Variants in WLS observed in about 807,000 individuals in gnomAD.
WLS encodes protein wntless homolog.
In WLS, 23 loss-of-function variants were observed where a neutral mutation model predicts 62.8. The observed-to-expected ratio is 0.37, with a 90% CI of 0.26 to 0.52. The LOEUF (loss-of-function observed/expected upper bound fraction) is 0.52, where lower values mean the gene tolerates loss of function less well. Ranked by LOEUF, WLS falls within the 20% of genes least tolerant of loss-of-function variation. The pLI, the probability that WLS is intolerant of heterozygous loss-of-function variation, is 0.92. For missense variants in WLS, 615 were observed against 697.3 expected, an observed-to-expected ratio of 0.88 and a Z score of 1.33; for synonymous variants, 246 against 244.1, an observed-to-expected ratio of 1.01 and a Z score of -0.07.
chr1:68,193,282 TG>T (rs1648444015), intron 2 of WLS, among the ~76,000 whole-genome samples: 1 of 151,370 alleles, frequency 6.6e-6, no homozygotes. Flanking sequence ...CTAAGATTCC[TG>T]ATACTGTCCC....
intron 11 of WLS, among the ~76,000 whole-genome samples, chr1:68,127,828 T>C (rs559299448): frequency 6.6e-6 from 1 of 152,308 alleles, no homozygotes; most frequent in Non-Finnish European, 1.5e-5. Context: ...TAAGAACTGC[T>C]AGGCATCAAT....
At chr1:68,207,781 T>G (rs145674606) in intron 1 of WLS, among the ~76,000 whole-genome samples, 1,635 of 152,342 alleles carry the variant, frequency 0.011, 26 homozygotes, top group South Asian at 0.023. Context: ...TAAAAGGTAC[T>G]CGCCTCCTAA....
At chr1:68,116,794 A>G (rs1646298036) in intron 11 of WLS, among the ~76,000 whole-genome samples, 1 of 152,222 alleles carries the variant, frequency 6.6e-6, no homozygotes, top group East Asian at 1.9e-4. Context: ...ATTTCTTTCA[A>G]GATAAAAACT....
chr1:68,167,316 C>G (rs1647073803), intron 2 of WLS, among the ~76,000 whole-genome samples: 1 of 152,198 alleles, frequency 6.6e-6, no homozygotes, highest in Admixed American at 6.5e-5. Flanking sequence ...AACGGGAAAG[C>G]ACTGGACAGA....
intron 2 of WLS, among the ~76,000 whole-genome samples, chr1:68,180,030 G>A (rs1293499586): frequency 6.7e-6 from 1 of 149,018 alleles, no homozygotes; most frequent in African/African-American, 2.5e-5. Flanking sequence ...GAGGGAGGGG[G>A]AAGTTAAGGC....
At chr1:68,193,932 GA>G in intron 2 of WLS, 22 bp downstream of exon 2, 1 of 1,604,564 alleles carries the variant, frequency 6.2e-7, no homozygotes, top group Non-Finnish European at 8.5e-7. Context: ...GGAAGAAAGG[GA>G]TGAGAGGAGA....
rs1414697743 is a variant in WLS at position 68,178,055 on chromosome 1, T to C, written c.379+15900A>G. On this transcript the variant is annotated intron_variant, in intron 2 of 11. Coordinates refer to ENST00000262348, the MANE Select transcript of WLS (RefSeq NM_024911.7). ...TCTGGCTTGAAAGTACTTAACCCAG[T>C]GCTGGAGTTGTCTCTCCAAGCTCTT... Among the ~76,000 whole-genome samples, 3 of 152,210 alleles carry C rather than the reference T, an allele frequency of 2.0e-5. No individual in the cohort carries two copies. In the East Asian group the frequency reaches 5.8e-4, roughly 29 times the overall value.
At chr1:68,198,511 T>A (rs758670825) in intron 1 of WLS, among the ~76,000 whole-genome samples, 1 of 152,084 alleles carries the variant, frequency 6.6e-6, no homozygotes, top group African/African-American at 2.4e-5. Context: ...TGTGAAGAAA[T>A]GTACAAACAC....
chr1:68,121,891 A>G (rs1463579015), downstream of WLS, among the ~76,000 whole-genome samples: 2 of 152,156 alleles, frequency 1.3e-5, no homozygotes, highest in African/African-American at 4.8e-5. Flanking sequence ...TTTTCTTTGG[A>G]GGCACAGGGT....
At chr1:68,228,694 G>A (rs2820473) in intron 1 of WLS, among the ~76,000 whole-genome samples, 2 of 151,680 alleles carry the variant, frequency 1.3e-5, no homozygotes, top group African/African-American at 4.8e-5. Flanking sequence ...TGTATCAGAT[G>A]TATGGTTTCA....
chr1:68,197,957 T>A (rs1236766260), intron 1 of WLS, among the ~76,000 whole-genome samples: 1 of 152,144 alleles, frequency 6.6e-6, no homozygotes, highest in Non-Finnish European at 1.5e-5. Flanking sequence ...TTCTAGGGAT[T>A]AATAGAGTTT....
At chr1:68,186,906 CT>C (rs898037374) in intron 2 of WLS, among the ~76,000 whole-genome samples, 3 of 151,806 alleles carry the variant, frequency 2.0e-5, no homozygotes, top group African/African-American at 7.3e-5. Flanking sequence ...CAACATGTAA[CT>C]TCTCATATAA....
At chr1:68,231,545 A>ACCCCCCCCCCCCCCC in intron 1 of WLS, 1 of 278,898 alleles carries the variant, frequency 3.6e-6, no homozygotes, top group Non-Finnish European at 7.2e-6. Flanking sequence ...ACTCCCTCCC[A>ACCCCCCCCCCCCCCC]CCCCACCCCA....
At chr1:68,231,020 C>T (rs1359712492) in intron 1 of WLS, among the ~76,000 whole-genome samples, 1 of 152,204 alleles carries the variant, frequency 6.6e-6, no homozygotes, top group Non-Finnish European at 1.5e-5. Context: ...CGTGGACTCC[C>T]CACTCCGCAA....
chr1:68,162,887 G>A lies in WLS; in HGVS notation c.380-3640C>T, dbSNP rs535517221. The A allele has an allele frequency of 4.2e-5, 64 of 1,530,520 alleles. No individual in the cohort carries two copies. In the East Asian group the frequency reaches 1.0e-3, roughly 25 times the overall value. 94.8% of individuals were successfully genotyped at this position (1,530,520 alleles called of 1,614,324 possible). Reference sequence around the variant, plus strand: ...ATGGCTTCGTTAGAACCTTCTCGTGGATTTCCTGCGTGGACTGCGCGTCAC... The same window carrying A: ...ATGGCTTCGTTAGAACCTTCTCGTGAATTTCCTGCGTGGACTGCGCGTCAC... On this transcript the variant is annotated intron_variant, in intron 2 of 11. Coordinates refer to ENST00000262348, the MANE Select transcript of WLS (RefSeq NM_024911.7).
intron 1 of WLS, among the ~76,000 whole-genome samples, chr1:68,214,241 G>T (rs977316695): frequency 2.0e-5 from 3 of 151,558 alleles, no homozygotes; most frequent in Non-Finnish European, 4.4e-5. Flanking sequence ...AGTTAGAGGA[G>T]CTGCCTAACA....
intron 3 of WLS, among the ~76,000 whole-genome samples, chr1:68,155,657 AC>A (rs531571982): frequency 7.2e-5 from 11 of 152,316 alleles, no homozygotes; most frequent in South Asian, 4.2e-4. Flanking sequence ...GCTCTGTGGA[AC>A]AGTCAGCTTC....
chr1:68,124,033 C>T (rs1646394852), downstream of WLS, among the ~76,000 whole-genome samples: 1 of 152,166 alleles, frequency 6.6e-6, no homozygotes, highest in South Asian at 2.1e-4. Flanking sequence ...AAGAATCTCT[C>T]TCTCTGTCCG....
In WLS at chr1:68,178,334, A is replaced by T. The variant is rs142632075; in HGVS notation, c.379+15621T>A. On this transcript the variant is annotated intron_variant, in intron 2 of 11. Transcript: ENST00000262348. Reference sequence around the variant, plus strand: ...GAGCTCCTAATTATTTTGAGTACACATGGAATATTTACTGTGCCTGGAATT... The same window carrying T: ...GAGCTCCTAATTATTTTGAGTACACTTGGAATATTTACTGTGCCTGGAATT... Among the ~76,000 whole-genome samples the T allele has an allele frequency of 6.3e-3, 955 of 152,334 alleles. 10 individuals carry two copies. The highest frequency in any genetic ancestry group is 9.3e-3 in the Non-Finnish European group (630 of 68,028).
Sources: allele counts gnomAD v4.1 joint callset (sites outside exome capture counted in the v4.1 genomes callset), GRCh38; gene constraint gnomAD v4.1.1; transcripts MANE v1.5; gene names NCBI Gene and HGNC (gene_info 2026-07-23, HGNC 2026-07-21).